TTLL11: variants seen among roughly 807,000 people sequenced by gnomAD.
TTLL11 encodes the protein tubulin tyrosine ligase like 11, also known as tubulin polyglutamylase TTLL11.
Under a neutral mutation model 51.7 loss-of-function variants are expected in TTLL11, and 42 were observed. The ratio of observed to expected loss-of-function variants is 0.81; its 90% CI spans 0.64 to 1.05. TTLL11 has a LOEUF of 1.05. Ranked by LOEUF, TTLL11 falls within the 50% of genes least tolerant of loss-of-function variation. The probability of loss-of-function intolerance (pLI) is 0.00; values close to 1 mark genes in which losing one functional copy is unlikely to be tolerated. For missense variants in TTLL11, 799 were observed against 940.4 expected, an observed-to-expected ratio of 0.85 and a Z score of 1.97; for synonymous variants, 381 against 383.5, an observed-to-expected ratio of 0.99 and a Z score of 0.08.
At chr9:121,894,621 C>A (rs778326027) in intron 6 of TTLL11, among the ~76,000 whole-genome samples, 3 of 152,116 alleles carry the variant, frequency 2.0e-5, no homozygotes, top group Non-Finnish European at 4.4e-5. Context: ...AGCTGGAAAC[C>A]ATCATTCTCA....
At chr9:122,025,341 G>C (rs1844298807) in intron 3 of TTLL11, among the ~76,000 whole-genome samples, 1 of 152,332 alleles carries the variant, frequency 6.6e-6, no homozygotes, top group African/African-American at 2.4e-5. Context: ...CACTGGCCCT[G>C]TAAGGTGACA....
chr9:122,045,717 G>A (rs748661569), intron 1 of TTLL11, among the ~76,000 whole-genome samples: 9 of 152,064 alleles, frequency 5.9e-5, no homozygotes, highest in Admixed American at 3.9e-4. Context: ...AAAATTATCC[G>A]GCCTTATAAA....
At chr9:122,037,010 T>C (rs1181799441) in intron 2 of TTLL11, among the ~76,000 whole-genome samples, 1 of 152,238 alleles carries the variant, frequency 6.6e-6, no homozygotes, top group Non-Finnish European at 1.5e-5. Context: ...TTGGAATGAA[T>C]ATCATTCTAT....
chr9:121,864,914 T>C (rs1450564276), intron 7 of TTLL11, among the ~76,000 whole-genome samples: 2 of 152,234 alleles, frequency 1.3e-5, no homozygotes, highest in African/African-American at 4.8e-5. Context: ...TTTATAGAAT[T>C]TCTTTTGTGT....
chr9:122,069,682 A>T (rs1404607372), intron 1 of TTLL11, among the ~76,000 whole-genome samples: 1 of 152,042 alleles, frequency 6.6e-6, no homozygotes, highest in Non-Finnish European at 1.5e-5. Flanking sequence ...CTCCGTCTCA[A>T]AAAAACAACA....
At chr9:121,922,563 A>G (rs926188688) in intron 6 of TTLL11, among the ~76,000 whole-genome samples, 5 of 152,224 alleles carry the variant, frequency 3.3e-5, no homozygotes, top group Non-Finnish European at 7.3e-5. Flanking sequence ...GCATTTGCTA[A>G]CCACAAGTGT....
At chr9:122,018,952 G>T (rs1374652618) in intron 3 of TTLL11, among the ~76,000 whole-genome samples, 2 of 152,164 alleles carry the variant, frequency 1.3e-5, no homozygotes, top group Non-Finnish European at 2.9e-5. Context: ...GTCAATACTT[G>T]AGCAACAAAC....
At chr9:122,073,939 C>T (rs1272743801) in intron 1 of TTLL11, among the ~76,000 whole-genome samples, 1 of 152,176 alleles carries the variant, frequency 6.6e-6, no homozygotes, top group African/African-American at 2.4e-5. Context: ...ACAGAGCATC[C>T]AAGGCCACCA....
chr9:122,038,753 C>T (rs1443797227), intron 2 of TTLL11, among the ~76,000 whole-genome samples: 1 of 152,164 alleles, frequency 6.6e-6, no homozygotes, highest in Admixed American at 6.5e-5. Flanking sequence ...TTTTCTAGCA[C>T]TAAGATTTCT....
intron 1 of TTLL11, among the ~76,000 whole-genome samples, chr9:122,039,872 TCTCTCTCTCTCTCTCA>T (rs1219932105): frequency 2.0e-5 from 3 of 151,872 alleles, no homozygotes; most frequent in African/African-American, 7.2e-5. Context: ...TCTCTCTCTC[TCTCTCTCTCTCTCTCA>T]CACACACACA....
At chr9:122,092,563 C>A in intron 1 of TTLL11, 124 bp downstream of exon 1, 3 of 1,450,974 alleles carry the variant, frequency 2.1e-6, no homozygotes, top group Non-Finnish European at 2.7e-6. Context: ...CAAGCAGGCC[C>A]GAGCGTGGTG....
At chr9:121,966,206 G>A (rs1003405057) in intron 6 of TTLL11, among the ~76,000 whole-genome samples, 1 of 152,168 alleles carries the variant, frequency 6.6e-6, no homozygotes, top group Admixed American at 6.5e-5. Flanking sequence ...ATTGTGAAAT[G>A]TTACATGGAA....
At position 122,026,332 on chromosome 9, in the gene TTLL11, G is replaced by A. The variant is rs142271236; in HGVS notation, c.693+5391C>T. On this transcript the variant is annotated intron_variant, in intron 3 of 8. Transcript: ENST00000321582. Reference sequence around the variant, plus strand: ...ACATACCTGTAATCTCAGCTACTCAGGAGGCTGAGGCAGGAGAATTGCTTG... The same window carrying A: ...ACATACCTGTAATCTCAGCTACTCAAGAGGCTGAGGCAGGAGAATTGCTTG... Among the ~76,000 whole-genome samples the A allele has an allele frequency of 7.0e-3, 1,058 of 152,028 alleles. 13 individuals are homozygous for A. The highest frequency in any genetic ancestry group is 0.024 in the African/African-American group (1,012 of 41,448).
chr9:121,948,911 G>A, intron 6 of TTLL11, among the ~76,000 whole-genome samples: 1 of 152,154 alleles, frequency 6.6e-6, no homozygotes, highest in Non-Finnish European at 1.5e-5. Flanking sequence ...TGGGCACAAA[G>A]GGACCAAAAT....
chr9:122,030,179 G>A (rs1435798787), intron 3 of TTLL11, among the ~76,000 whole-genome samples: 1 of 127,492 alleles, frequency 7.8e-6, no homozygotes, highest in East Asian at 2.7e-4. Context: ...AACAGCATGA[G>A]CAGAGCCACA....
chr9:121,866,274 C>T lies in TTLL11; in HGVS notation c.1733+4223G>A, dbSNP rs540037365. Among the ~76,000 whole-genome samples the T allele has an allele frequency of 5.9e-5, 9 of 152,214 alleles. 1 individual carries two copies. The highest frequency in any genetic ancestry group is 5.8e-4 in the East Asian group (3 of 5,188). ...GAAAATGCGTGCTGTTAAATTTAGC[C>T]GGCAAGACTGAACATACTTAGAGAA... On this transcript the variant is annotated intron_variant, in intron 7 of 8. Transcript: ENST00000321582.
chr9:121,953,891 C>T (rs34009990), intron 6 of TTLL11, among the ~76,000 whole-genome samples: 37,069 of 152,122 alleles, frequency 0.24, 4,831 homozygotes, highest in Middle Eastern at 0.3. Flanking sequence ...GAACAGCCAC[C>T]TGTACAACTT....
intron 1 of TTLL11, among the ~76,000 whole-genome samples, chr9:122,063,516 T>C (rs1261257702): frequency 1.4e-5 from 2 of 147,888 alleles, no homozygotes; most frequent in Non-Finnish European, 3.0e-5. Context: ...ATCACTATTA[T>C]TGAGTTCAAA....
chr9:122,011,046 G>A (rs1680477663), intron 3 of TTLL11, among the ~76,000 whole-genome samples: 1 of 152,202 alleles, frequency 6.6e-6, no homozygotes. Context: ...GACCTGGTAG[G>A]AGATAATTGA....
Sources: allele counts gnomAD v4.1 joint callset (sites outside exome capture counted in the v4.1 genomes callset), GRCh38; gene constraint gnomAD v4.1.1; transcripts MANE v1.5; gene names NCBI Gene and HGNC (gene_info 2026-07-23, HGNC 2026-07-21).